THUMPD1: variants seen among roughly 807,000 people sequenced by gnomAD.
THUMPD1 encodes the protein THUMP domain 1 NAT10 acetyltransferase adaptor.
A neutral mutation model predicts 31.6 loss-of-function variants in THUMPD1; 31 were observed. That is an observed-to-expected ratio of 0.98 (90% CI 0.74 to 1.32). The LOEUF (loss-of-function observed/expected upper bound fraction) is 1.32, where lower values mean the gene tolerates loss of function less well. Ranked by LOEUF, THUMPD1 falls within the 40% of genes most tolerant of loss-of-function variation. The pLI is 0.00. For synonymous variants in THUMPD1, 166 were observed against 158.2 expected (o/e 1.05, Z -0.37); for missense variants, 446 against 427.8 (o/e 1.04, Z -0.38).
rs2079851698 is a variant in THUMPD1, at chr16:20,734,398, T to G, written c.*2482A>C. 1 of 152,618 alleles carries G rather than the reference T, an allele frequency of 6.6e-6. No individual in the cohort carries two copies. The highest frequency in any genetic ancestry group is 1.5e-5 in the Non-Finnish European group (1 of 68,024). 9.5% of individuals were successfully genotyped at this position (152,618 alleles called of 1,614,324 possible). A position where few individuals can be genotyped will look rare whatever the true frequency, so the allele number is the denominator to read the frequency against. On this transcript the variant is annotated 3_prime_UTR_variant, in exon 4 of 4. Coordinates refer to ENST00000396083, the MANE Select transcript of THUMPD1 (RefSeq NM_017736.5). ...AGGTAACTTCAATGTCATTAAGTAT[T>G]AACATTCTAAATATGTAAAGCTATA...
intron 3 of THUMPD1, 57 bp from the exon 4 acceptor site, chr16:20,737,343 T>C (rs2079879949): frequency 1.1e-5 from 17 of 1,507,964 alleles, no homozygotes; most frequent in Non-Finnish European, 1.5e-5. Flanking sequence ...ATCTGATAGA[T>C]ACAAAAAATC....
rs751523219 is a variant in THUMPD1 at position 20,737,962 on chromosome 16, GAAAAA to G, written c.407-11_407-7del. On this transcript the variant is annotated splice_region_variant and splice_polypyrimidine_tract_variant and intron_variant, in intron 2 of 3. Coordinates refer to ENST00000396083, the MANE Select transcript of THUMPD1 (RefSeq NM_017736.5). Reference sequence around the variant, plus strand: ...ATGCACCAATTTCTCAGGCTCTTAAGAAAAAAAAAAAGTTAAGAAGATAATTTCTC... The same window carrying G: ...ATGCACCAATTTCTCAGGCTCTTAAGAAAAAAGTTAAGAAGATAATTTCTC... 2 of 1,255,392 alleles carry G rather than the reference GAAAAA, an allele frequency of 1.6e-6. No homozygotes were observed. Among genetic ancestry groups the G allele is most frequent in the Non-Finnish European group, 2.1e-6 (2 of 934,618 alleles). 77.8% of individuals were successfully genotyped at this position (1,255,392 alleles called of 1,614,324 possible).
rs1438839307 is a variant in THUMPD1, at chr16:20,741,731, G to A, written c.9C>T (p.Ala3=). The A allele has an allele frequency of 1.9e-6, 3 of 1,570,880 alleles. No individual in the cohort carries two copies. Among genetic ancestry groups the A allele is most frequent in the Non-Finnish European group, 2.6e-6 (3 of 1,157,672 alleles). The change falls in exon 1 of 4, where the codon GCC becomes GCT. Residue 3 remains alanine (A), a synonymous_variant. Transcript: ENST00000396083. MA[A]PAQQTTQPGG... ...CAGGCTGAGTAGTCTGCTGGGCAGG[G>A]GCCGCCATGGTGTGCGCAAACTGAG...
At chr16:20,740,076 G>C (rs1375136393) in intron 1 of THUMPD1, among the ~76,000 whole-genome samples, 1 of 152,072 alleles carries the variant, frequency 6.6e-6, no homozygotes, top group African/African-American at 2.4e-5. Context: ...TTCTATTAAG[G>C]AACAAGGCAC....
intron 2 of THUMPD1, 94 bp downstream of exon 2, chr16:20,738,803 A>C: frequency 7.0e-7 from 1 of 1,422,762 alleles, no homozygotes; most frequent in Non-Finnish European, 9.7e-7. Context: ...TAACTGAGTC[A>C]TGCCCAAGAA....
At chr16:20,739,907 G>C (rs946966914) in intron 1 of THUMPD1, among the ~76,000 whole-genome samples, 2 of 152,006 alleles carry the variant, frequency 1.3e-5, no homozygotes, top group Admixed American at 6.6e-5. Flanking sequence ...GTTTTCAAAA[G>C]CATCCTGACA....
rs1427541788 is a variant in THUMPD1 at position 20,734,211 on chromosome 16, G to A, written c.*2669C>T. 6.5e-6 allele frequency: 1 copy of A among 152,746 alleles called. No homozygotes were observed. The highest frequency in any genetic ancestry group is 2.1e-4 in the South Asian group (1 of 4,832). The allele number at this position is 152,746 out of a possible 1,614,324, so 9.5% of individuals were successfully genotyped here. A position where few individuals can be genotyped will look rare whatever the true frequency, so the allele number is the denominator to read the frequency against. ...AAAAACAATTTAGTTCCACAGAGTT[G>A]TATGCTCTGTAGGCATATGGCCAAT... On this transcript the variant is annotated 3_prime_UTR_variant, in exon 4 of 4. Coordinates refer to ENST00000396083, the MANE Select transcript of THUMPD1 (RefSeq NM_017736.5).
At position 20,739,055 on chromosome 16, in the gene THUMPD1, T is replaced by C; in HGVS notation, c.248A>G (p.Gln83Arg). ...CTCTCCCTCACTTCCAGAGGGCTGC[T>C]GATCCTTGTCTGTAAACTGTTTGCA... The part of the protein sequence containing the change: ...YGPEKFTDKD[Q>R]QPSGSEGEDD... Residue 83 changes from glutamine to arginine, a missense_variant, in exon 2 of 4, where the codon CAG becomes CGG. By Grantham distance (43) the Gln-to-Arg change is conservative. Transcript: ENST00000396083. 1 of 1,614,220 alleles carries C rather than the reference T, an allele frequency of 6.2e-7. No individual in the cohort carries two copies. Among genetic ancestry groups the C allele is most frequent in the East Asian group, 2.2e-5 (1 of 44,886 alleles).
In THUMPD1 at chr16:20,737,138, C is replaced by T. The variant is rs2079877140; in HGVS notation, c.804G>A (p.Val268=). The change falls in exon 4 of 4, where the codon GTG becomes GTA. Residue 268 remains valine, a synonymous_variant. Coordinates refer to ENST00000396083, the MANE Select transcript of THUMPD1 (RefSeq NM_017736.5). ...GCTGTGACGGATCCTTAGGGCTCTT[C>T]ACCACCTCCTGGAGATTGTATTTTC... ...LFRKYNLQEV[V]KSPKDPSQLN... 4 of 1,614,202 alleles carry T rather than the reference C, an allele frequency of 2.5e-6. No individual in the cohort carries two copies. The East Asian group carries it at 6.7e-5, about 27-fold the overall frequency.
chr16:20,740,342 C>A (rs1255648385), intron 1 of THUMPD1, among the ~76,000 whole-genome samples: 3 of 152,172 alleles, frequency 2.0e-5, no homozygotes, highest in Non-Finnish European at 4.4e-5. Context: ...TTGCAGTGAG[C>A]AAGAGCATGC....
rs1336269611 is a variant in THUMPD1 at position 20,741,712 on chromosome 16, G to C, written c.28C>G (p.Gln10Glu). MAAPAQQTT[Q>E]PGGGKRKGKA... ...CCTTTGCGCTTCCCGCCGCCAGGCT[G>C]AGTAGTCTGCTGGGCAGGGGCCGCC... Residue 10 changes from glutamine (Q) to glutamate (E), a missense_variant, in exon 1 of 4, where the codon CAG (glutamine) becomes GAG (glutamate). By Grantham distance (29) the Gln-to-Glu change is conservative. Coordinates refer to ENST00000396083, the MANE Select transcript of THUMPD1 (RefSeq NM_017736.5). The C allele has an allele frequency of 1.9e-6, 3 of 1,577,256 alleles. No individual in the cohort carries two copies. Among genetic ancestry groups the C allele is most frequent in the Admixed American group, 3.7e-5 (2 of 53,976 alleles).
chr16:20,738,107 A>G, intron 2 of THUMPD1, 151 bp from the exon 3 acceptor site: 1 of 794,566 alleles, frequency 1.3e-6, no homozygotes, highest in Non-Finnish European at 2.1e-6. Flanking sequence ...CTTTCCAAAC[A>G]GTATTTCTTC....
At chr16:20,737,310 A>G (rs368768263) in intron 3 of THUMPD1, 24 bp from the exon 4 acceptor site, 13 of 1,585,508 alleles carry the variant, frequency 8.2e-6, no homozygotes, top group South Asian at 2.3e-5. Context: ...AGAAAAACAC[A>G]TAGCTGAGGA....
intron 1 of THUMPD1, 29 bp downstream of exon 1, chr16:20,741,480 G>GGGGGGGGGGGGCCCCCCCCCCCCCCCCCC: frequency 7.5e-7 from 1 of 1,340,424 alleles, no homozygotes; most frequent in Non-Finnish European, 9.7e-7. Flanking sequence ...CCTGGCAGCC[G>GGGGGGGGGGGGCCCCCCCCCCCCCCCCCC]GCCCGCCCGC....
Position 20,736,908 on chromosome 16 carries a change from G to C in THUMPD1, c.1034C>G (p.Ser345Cys), listed in dbSNP as rs200696246. ...TGAGAAGTCATTTTCATTTGACTTG[G>C]ATCCTTCTGTGGCTTGACTTGCAAG... Reference protein sequence around the residue: ...PELASQATEGSKSNENDFS With the variant: ...PELASQATEGCKSNENDFS Residue 345 changes from serine (S) to cysteine (C), a missense_variant, in exon 4 of 4, where the codon TCC becomes TGC. Physicochemically the swap from Ser to Cys is moderately radical, Grantham distance 112. Transcript: ENST00000396083. 3.0e-5 allele frequency: 49 copies of C among 1,614,064 alleles called. No individual in the cohort carries two copies. The East Asian group carries it at 5.3e-4, about 18-fold the overall frequency.
At chr16:20,737,359 T>A (rs2079880173) in intron 3 of THUMPD1, 73 bp from the exon 4 acceptor site, 1 of 1,465,552 alleles carries the variant, frequency 6.8e-7, no homozygotes, top group Non-Finnish European at 9.1e-7. Flanking sequence ...AAATCTTTTG[T>A]CTCTGTTTCT....
At chr16:20,741,480 G>GGCCC (rs750099547) in intron 1 of THUMPD1, 29 bp downstream of exon 1, 6 of 1,340,314 alleles carry the variant, frequency 4.5e-6, no homozygotes, top group Admixed American at 6.9e-5. Flanking sequence ...CCTGGCAGCC[G>GGCCC]GCCCGCCCGC....
In THUMPD1 at chr16:20,741,559, C is replaced by T; in HGVS notation, c.181G>A (p.Ala61Thr). ...NMNERKCVEE[A>T]YSLLNEYGDD... is the part of the protein sequence containing the mutation. ...CCGTATTCGTTGAGGAGGCTGTAGG[C>T]CTCCTCCACGCACTTGCGCTCGTTC... Residue 61 changes from alanine (A) to threonine (T), a missense_variant, in exon 1 of 4, where the codon GCC (alanine) becomes ACC (threonine). Transcript: ENST00000396083. The T allele has an allele frequency of 1.5e-6, 2 of 1,348,292 alleles. No individual in the cohort carries two copies. Among genetic ancestry groups the T allele is most frequent in the East Asian group, 4.8e-5 (1 of 21,028 alleles). 83.5% of individuals were successfully genotyped at this position (1,348,292 alleles called of 1,614,324 possible).
In THUMPD1 at chr16:20,741,810, C is replaced by A. The variant is rs1341255010; in HGVS notation, c.-71G>T. 3 of 1,543,110 alleles carry A rather than the reference C, an allele frequency of 1.9e-6. No individual in the cohort carries two copies. The East Asian group carries it at 7.3e-5, about 38-fold the overall frequency. Reference sequence around the variant, plus strand: ...TTGGCGTCCTCGTCTATCGCCGGCGCGAACTGGTGACGTCGGATATGAGCG... The same window carrying A: ...TTGGCGTCCTCGTCTATCGCCGGCGAGAACTGGTGACGTCGGATATGAGCG... On this transcript the variant is annotated 5_prime_UTR_variant, in exon 1 of 4. Coordinates refer to ENST00000396083, the MANE Select transcript of THUMPD1 (RefSeq NM_017736.5).
Sources: allele counts gnomAD v4.1 joint callset (sites outside exome capture counted in the v4.1 genomes callset), GRCh38; gene constraint gnomAD v4.1.1; transcripts MANE v1.5; gene names NCBI Gene and HGNC (gene_info 2026-07-23, HGNC 2026-07-21).